The following BEND6 variants were observed in gnomAD, a reference collection of about 807,000 sequenced individuals.
The protein encoded by BEND6 is BEN domain containing 6.
In BEND6, 24 loss-of-function variants were observed where a neutral mutation model predicts 31.8. The ratio of observed to expected loss-of-function variants is 0.75; its 90% CI spans 0.55 to 1.06. The LOEUF (loss-of-function observed/expected upper bound fraction) is 1.06. Ranked by LOEUF, BEND6 falls within the 50% of genes least tolerant of loss-of-function variation. The probability of loss-of-function intolerance (pLI) is 0.00; values close to 1 mark genes in which losing one functional copy is unlikely to be tolerated. For synonymous variants in BEND6, 109 were observed against 114.6 expected (o/e 0.95, Z 0.31); for missense variants, 294 against 327.4 (o/e 0.90, Z 0.79).
At chr6:56,967,825 G>A (rs1825539346) in intron 1 of BEND6, among the ~76,000 whole-genome samples, 1 of 152,174 alleles carries the variant, frequency 6.6e-6, no homozygotes, top group Admixed American at 6.5e-5. Flanking sequence ...CTAAGTTCTG[G>A]CTTGAGCGTG....
intron 4 of BEND6, among the ~76,000 whole-genome samples, chr6:57,016,845 G>T (rs1170392053): frequency 6.6e-6 from 1 of 152,128 alleles, no homozygotes; most frequent in African/African-American, 2.4e-5. Flanking sequence ...ATAGGTTTCA[G>T]GGATTAGGAT....
At chr6:57,004,780 TC>T in intron 3 of BEND6, 1 of 981,386 alleles carries the variant, frequency 1.0e-6, no homozygotes, top group Non-Finnish European at 1.6e-6. Flanking sequence ...GCAGGTGAAA[TC>T]CATCAAAGAA....
At chr6:56,963,613 C>A (rs1418919727) in intron 1 of BEND6, among the ~76,000 whole-genome samples, 1 of 151,872 alleles carries the variant, frequency 6.6e-6, no homozygotes, top group Non-Finnish European at 1.5e-5. Context: ...TATATTTTTA[C>A]AAAAGATTGA....
At chr6:57,004,528 C>T (rs1048413305) in intron 3 of BEND6, 9 of 749,730 alleles carry the variant, frequency 1.2e-5, no homozygotes, top group Admixed American at 1.1e-4. Flanking sequence ...CCACCGCCAC[C>T]GCCATGACTA....
At chr6:57,001,035 A>G (rs562874782) in intron 3 of BEND6, among the ~76,000 whole-genome samples, 2 of 152,214 alleles carry the variant, frequency 1.3e-5, no homozygotes, top group East Asian at 3.9e-4. Context: ...AAAGAAAAAA[A>G]TCATACCCAC....
chr6:56,964,887 C>T (rs1027245734), intron 1 of BEND6, among the ~76,000 whole-genome samples: 4 of 152,180 alleles, frequency 2.6e-5, no homozygotes, highest in African/African-American at 9.7e-5. Flanking sequence ...TTTAATATAG[C>T]TTCCTGGGCC....
chr6:57,019,797 A>G (rs1257344063), intron 6 of BEND6, among the ~76,000 whole-genome samples: 1 of 152,240 alleles, frequency 6.6e-6, no homozygotes, highest in African/African-American at 2.4e-5. Flanking sequence ...ACTGACTTTA[A>G]AAGTTAGAGA....
chr6:56,984,464 A>G (rs1196090493), intron 2 of BEND6, among the ~76,000 whole-genome samples: 1 of 152,134 alleles, frequency 6.6e-6, no homozygotes, highest in Non-Finnish European at 1.5e-5. Flanking sequence ...CCAAATTTCT[A>G]GTTTTTGCAA....
chr6:57,012,802 G>GA (rs1004122747), intron 3 of BEND6, among the ~76,000 whole-genome samples: 3 of 152,150 alleles, frequency 2.0e-5, no homozygotes, highest in African/African-American at 2.4e-5. Context: ...AACATAATTT[G>GA]AAAAAAATAG....
At chr6:57,019,633 G>T (rs1827675254) in intron 6 of BEND6, among the ~76,000 whole-genome samples, 1 of 152,130 alleles carries the variant, frequency 6.6e-6, no homozygotes, top group South Asian at 2.1e-4. Flanking sequence ...CCTCCCCCAA[G>T]AGTCCCTTAT....
At chr6:56,960,341 G>C (rs1825245745) in intron 1 of BEND6, among the ~76,000 whole-genome samples, 1 of 152,078 alleles carries the variant, frequency 6.6e-6, no homozygotes, top group South Asian at 2.1e-4. Context: ...AAGTTTGAAA[G>C]CTGAAGATAT....
At chr6:57,014,366 C>T (rs1296283857) in intron 3 of BEND6, 5 of 631,992 alleles carry the variant, frequency 7.9e-6, no homozygotes, top group Non-Finnish European at 1.2e-5. Flanking sequence ...TTTTTCACCT[C>T]TCCAGCAGGC....
chr6:56,978,327 T>G (rs948295720), intron 1 of BEND6, among the ~76,000 whole-genome samples: 4 of 150,054 alleles, frequency 2.7e-5, no homozygotes, highest in African/African-American at 7.3e-5. Context: ...ATGTGGAGGG[T>G]TTTTTTTGTA....
At chr6:57,005,118 G>A (rs186489144) in intron 3 of BEND6, among the ~76,000 whole-genome samples, 50 of 152,152 alleles carry the variant, frequency 3.3e-4, no homozygotes, top group Non-Finnish European at 3.7e-4. Flanking sequence ...GAGGACTGCT[G>A]TTTTTCATTA....
At chr6:57,011,495 A>T (rs1454773975) in intron 3 of BEND6, among the ~76,000 whole-genome samples, 1 of 152,012 alleles carries the variant, frequency 6.6e-6, no homozygotes, top group Non-Finnish European at 1.5e-5. Flanking sequence ...CTTTGGGAGG[A>T]TCACTTGAGC....
chr6:56,961,157 A>T (rs1160243397), intron 1 of BEND6, among the ~76,000 whole-genome samples: 1 of 152,206 alleles, frequency 6.6e-6, no homozygotes, highest in Non-Finnish European at 1.5e-5. Flanking sequence ...GCAAATCCAC[A>T]TAGGTACTGA....
In BEND6 at chr6:57,021,482, T is replaced by C. The variant is rs530126521; in HGVS notation, c.*9+2925T>C. 3.9e-5 allele frequency among the ~76,000 whole-genome samples: 6 copies of C among 152,312 alleles called. No homozygotes were observed. The East Asian group carries it at 1.2e-3, about 29-fold the overall frequency. On this transcript the variant is annotated intron_variant, in intron 6 of 6. Transcript: ENST00000370746. ...TGGCTTAGATTTAAAAGGGTAACAATTTCCCAGCTATGGCTCAGGTCTGTG... is the reference window on the plus strand; with the variant it reads ...TGGCTTAGATTTAAAAGGGTAACAACTTCCCAGCTATGGCTCAGGTCTGTG...
At chr6:57,024,264 A>G (rs985161994) in intron 6 of BEND6, among the ~76,000 whole-genome samples, 9 of 152,176 alleles carry the variant, frequency 5.9e-5, no homozygotes, top group Admixed American at 2.0e-4. Context: ...TTACAGTTTT[A>G]GATAATTTTA....
intron 2 of BEND6, among the ~76,000 whole-genome samples, chr6:56,991,564 A>G (rs903736449): frequency 1.6e-4 from 24 of 151,904 alleles, no homozygotes; most frequent in African/African-American, 5.6e-4. Context: ...GTTTCACCAC[A>G]TTGCCCAGGC....
Sources: gnomAD v4.1 joint callset for allele counts (sites outside exome capture counted in the v4.1 genomes callset) on GRCh38, gnomAD v4.1.1 for gene constraint, MANE v1.5 for transcripts, NCBI Gene and HGNC (gene_info 2026-07-23, HGNC 2026-07-21) for gene names.